MED27: variants seen among roughly 807,000 people sequenced by gnomAD.
MED27 encodes mediator complex subunit 27.
A neutral mutation model predicts 38.2 loss-of-function variants in MED27; 30 were observed. That is an observed-to-expected ratio of 0.79 (90% CI 0.59 to 1.07). The LOEUF is 1.07. Ranked by LOEUF, MED27 falls within the 50% of genes least tolerant of loss-of-function variation. The probability of loss-of-function intolerance (pLI) is 0.00; values close to 1 mark genes in which losing one functional copy is unlikely to be tolerated. For synonymous variants in MED27, 122 were observed against 153.5 expected, an observed-to-expected ratio of 0.79 and a Z score of 1.52; for missense variants, 289 against 397.5, an observed-to-expected ratio of 0.73 and a Z score of 2.32.
intron 6 of MED27, among the ~76,000 whole-genome samples, chr9:131,863,578 T>A (rs1023352881): frequency 6.6e-6 from 1 of 152,242 alleles, no homozygotes; most frequent in Non-Finnish European, 1.5e-5. Flanking sequence ...ACAGGGCAAT[T>A]GGTCTCTTTC....
intron 3 of MED27, among the ~76,000 whole-genome samples, chr9:131,987,352 G>A (rs79076211): frequency 0.014 from 2,100 of 152,246 alleles, 51 homozygotes; most frequent in African/African-American, 0.048. Flanking sequence ...ATGTGGAGAT[G>A]AGAAGGGTCA....
intron 4 of MED27, among the ~76,000 whole-genome samples, chr9:131,900,915 AAG>A (rs1400181869): frequency 6.6e-6 from 1 of 150,884 alleles, no homozygotes; most frequent in African/African-American, 2.4e-5. Context: ...AGCAGAAAGA[AAG>A]AGAGAGGGAG....
At chr9:131,916,758 T>C (rs916617355) in intron 4 of MED27, among the ~76,000 whole-genome samples, 52 of 152,138 alleles carry the variant, frequency 3.4e-4, no homozygotes, top group Admixed American at 1.8e-3. Flanking sequence ...CCGGTTACCA[T>C]CTTCCTAAAG....
chr9:132,075,820 C>G (rs1314767175), intron 2 of MED27, among the ~76,000 whole-genome samples: 1 of 149,472 alleles, frequency 6.7e-6, no homozygotes, highest in African/African-American at 2.5e-5. Context: ...AGAGCTGGAA[C>G]AGTCCCACGT....
At chr9:131,929,314 A>G (rs2131563309) in intron 4 of MED27, among the ~76,000 whole-genome samples, 1 of 152,248 alleles carries the variant, frequency 6.6e-6, no homozygotes, top group South Asian at 2.1e-4. Context: ...TTCTGGGGAG[A>G]GACTCCTTCT....
At chr9:131,865,137 T>C (rs1838715357) in intron 6 of MED27, among the ~76,000 whole-genome samples, 1 of 152,216 alleles carries the variant, frequency 6.6e-6, no homozygotes. Flanking sequence ...TTCTTGCAAA[T>C]ACATCAACGG....
At chr9:132,047,603 C>G (rs1314917807) in intron 2 of MED27, among the ~76,000 whole-genome samples, 1 of 151,936 alleles carries the variant, frequency 6.6e-6, no homozygotes, top group Non-Finnish European at 1.5e-5. Flanking sequence ...GAGACTCTAT[C>G]TTTAGGAAAT....
rs1832128070 is a variant in MED27, at chr9:131,997,903, GCTTTGGTTGGTGAT to G, written c.479+16420_479+16433del. On this transcript the variant is annotated intron_variant, in intron 3 of 7. Transcript: ENST00000292035. The surrounding 1 kb of genome is among the most constrained non-coding windows in gnomAD (Gnocchi z 4.0). The stretch of plus-strand genomic sequence containing the variant: ...GGTGTTCCTTCCCTCACTGCAGACT[GCTTTGGTTGGTGAT>G]CTCTCATCTAATTTCTTTGAACTCT... 6.6e-6 allele frequency among the ~76,000 whole-genome samples: 1 copy of G among 152,192 alleles called. No homozygotes were observed. The highest frequency in any genetic ancestry group is 1.5e-5 in the Non-Finnish European group (1 of 68,022).
At chr9:131,918,939 G>T (rs2131548433) in intron 4 of MED27, among the ~76,000 whole-genome samples, 1 of 152,252 alleles carries the variant, frequency 6.6e-6, no homozygotes, top group South Asian at 2.1e-4. Context: ...CTATTCTAAT[G>T]AAAGTCACAG....
At chr9:132,060,932 G>C (rs1338360699) in intron 2 of MED27, among the ~76,000 whole-genome samples, 1 of 152,194 alleles carries the variant, frequency 6.6e-6, no homozygotes, top group Non-Finnish European at 1.5e-5. Flanking sequence ...CTGGGTGACA[G>C]AGCAAGACTC....
intron 3 of MED27, among the ~76,000 whole-genome samples, chr9:131,985,935 T>C (rs1033168896): frequency 2.0e-5 from 3 of 151,734 alleles, no homozygotes; most frequent in Non-Finnish European, 2.9e-5. Context: ...TTTGTGTCTT[T>C]GGTTTTAGCA....
chr9:131,879,633 C>T (rs987121538), intron 6 of MED27, among the ~76,000 whole-genome samples: 9 of 152,214 alleles, frequency 5.9e-5, no homozygotes, highest in Admixed American at 2.6e-4. Flanking sequence ...GACCAAGGAG[C>T]ATCCTCCAGC....
intron 4 of MED27, among the ~76,000 whole-genome samples, chr9:131,918,296 G>A (rs1319741653): frequency 6.6e-6 from 1 of 152,154 alleles, no homozygotes; most frequent in African/African-American, 2.4e-5. Flanking sequence ...TGCCTAACTA[G>A]GCTACTGCTA....
At chr9:132,001,332 C>T (rs1334504266) in intron 3 of MED27, among the ~76,000 whole-genome samples, 2 of 151,996 alleles carry the variant, frequency 1.3e-5, no homozygotes, top group African/African-American at 2.4e-5. Context: ...AATTTATATA[C>T]TTTAAACAGG....
At chr9:131,983,327 A>G (rs2131030831) in intron 3 of MED27, among the ~76,000 whole-genome samples, 1 of 152,354 alleles carries the variant, frequency 6.6e-6, no homozygotes, top group Middle Eastern at 3.4e-3. Flanking sequence ...ACCACACTTT[A>G]GAAGGAAAAT....
chr9:131,880,565 T>C (rs57198330), intron 6 of MED27, among the ~76,000 whole-genome samples: 2,137 of 152,278 alleles, frequency 0.014, 47 homozygotes, highest in African/African-American at 0.048. Context: ...CAAATACACA[T>C]GATATGCCAC....
At chr9:131,949,941 G>A (rs1459742959) in intron 3 of MED27, among the ~76,000 whole-genome samples, 2 of 151,922 alleles carry the variant, frequency 1.3e-5, no homozygotes, top group African/African-American at 4.8e-5. Flanking sequence ...TACTTGCTTT[G>A]CATTTTATTT....
chr9:131,879,042 G>A (rs2131474817), intron 6 of MED27, among the ~76,000 whole-genome samples: 1 of 152,324 alleles, frequency 6.6e-6, no homozygotes, highest in Non-Finnish European at 1.5e-5. Context: ...GAGGAAGAGT[G>A]AAAAGGGCTT....
In MED27 at chr9:131,860,256, C is replaced by T. The variant is rs535218932; in HGVS notation, c.*282G>A. The T allele has an allele frequency of 1.8e-5, 6 of 338,742 alleles. No homozygotes were observed. The highest frequency in any genetic ancestry group is 9.2e-5 in the Admixed American group (2 of 21,758). The allele number at this position is 338,742 out of a possible 1,614,324, so 21.0% of individuals were successfully genotyped here. A position where few individuals can be genotyped will look rare whatever the true frequency, so the allele number is the denominator to read the frequency against. On this transcript the variant is annotated 3_prime_UTR_variant, in exon 8 of 8. Transcript: ENST00000292035. The surrounding 1 kb of genome is among the most constrained non-coding windows in gnomAD (Gnocchi z 5.8). ...CGGAGACGACAGACACCAGCACTGC[C>T]GACACACATGGACGAGGAGCATGCT...
Sources: allele counts gnomAD v4.1 joint callset (sites outside exome capture counted in the v4.1 genomes callset), GRCh38; gene constraint gnomAD v4.1.1; non-coding constraint Gnocchi (gnomAD v3.1); transcripts MANE v1.5; gene names NCBI Gene and HGNC (gene_info 2026-07-23, HGNC 2026-07-21).